CCNY: variants seen among roughly 807,000 people sequenced by gnomAD.
CCNY encodes cyclin-Y.
CCNY carries 19 observed loss-of-function variants against 42.8 expected under a neutral mutation model. The ratio of observed to expected loss-of-function variants is 0.44; its 90% CI spans 0.31 to 0.65. CCNY has a LOEUF of 0.65. CCNY is among the 30% of genes least tolerant of loss of function. CCNY has a pLI of 0.07. For synonymous variants in CCNY, 165 were observed against 162.7 expected (o/e 1.01, Z -0.11); for missense variants, 370 against 437.3 (o/e 0.85, Z 1.37).
intron 1 of CCNY, among the ~76,000 whole-genome samples, chr10:35,367,085 T>TG (rs1449928546): frequency 6.6e-6 from 1 of 152,244 alleles, no homozygotes; most frequent in Non-Finnish European, 1.5e-5. Context: ...GTTACCATGC[T>TG]GATTCCTTGC....
intron 7 of CCNY, among the ~76,000 whole-genome samples, chr10:35,542,345 A>T (rs1410804922): frequency 6.6e-6 from 1 of 151,956 alleles, no homozygotes; most frequent in Non-Finnish European, 1.5e-5. Context: ...CATCACATCA[A>T]AGGTACATTT....
At chr10:35,287,808 A>C (rs920973209) in intron 3 of CCNY, among the ~76,000 whole-genome samples, 1 of 152,204 alleles carries the variant, frequency 6.6e-6, no homozygotes, top group Non-Finnish European at 1.5e-5. Context: ...ACATTCATGT[A>C]AAAGATACAG....
chr10:35,519,432 A>G (rs1187962735), intron 4 of CCNY, among the ~76,000 whole-genome samples: 1 of 152,160 alleles, frequency 6.6e-6, no homozygotes, highest in Non-Finnish European at 1.5e-5. Flanking sequence ...GGGTGTCTGG[A>G]TTTTTAACAG....
intron 3 of CCNY, among the ~76,000 whole-genome samples, chr10:35,275,220 T>C (rs995010832): frequency 6.6e-6 from 1 of 151,788 alleles, no homozygotes; most frequent in African/African-American, 2.4e-5. Flanking sequence ...CCCGCCATCA[T>C]GCTCGGCTAA....
At position 35,294,636 on chromosome 10, in the gene CCNY, T is replaced by C. The variant is rs142964666; in HGVS notation, c.-9+44010T>C. ...CACTTGGCCATGAGGCATAAATCTT[T>C]TTATATGTGGCTGGTTTCACTTTTC... is the stretch of plus-strand genomic sequence containing the variant. On this transcript the variant is annotated intron_variant, in intron 3 of 11. Transcript: ENST00000374706. 1.3e-3 allele frequency among the ~76,000 whole-genome samples: 204 copies of C among 152,326 alleles called. 1 individual carries two copies. The highest frequency in any genetic ancestry group is 4.5e-3 in the African/African-American group (185 of 41,572).
At chr10:35,385,850 T>C (rs1002882285) in intron 1 of CCNY, among the ~76,000 whole-genome samples, 34 of 152,212 alleles carry the variant, frequency 2.2e-4, no homozygotes, top group African/African-American at 8.2e-4. Context: ...AGCCTTTTGC[T>C]CAGCCTCTTG....
At chr10:35,301,055 G>A (rs188655192) in intron 3 of CCNY, among the ~76,000 whole-genome samples, 3 of 152,154 alleles carry the variant, frequency 2.0e-5, no homozygotes, top group Non-Finnish European at 2.9e-5. Flanking sequence ...TGATCCGCCC[G>A]CTTCGGCCTC....
At chr10:35,397,927 T>A (rs758387767) in intron 1 of CCNY, among the ~76,000 whole-genome samples, 4 of 152,138 alleles carry the variant, frequency 2.6e-5, no homozygotes, top group Non-Finnish European at 4.4e-5. Flanking sequence ...TGGTGCAATA[T>A]AGGCAGGACT....
chr10:35,417,907 T>C (rs1191616316), intron 1 of CCNY, among the ~76,000 whole-genome samples: 1 of 152,210 alleles, frequency 6.6e-6, no homozygotes, highest in Non-Finnish European at 1.5e-5. Flanking sequence ...TCTCTTTTTT[T>C]CATCAGCTGT....
intron 3 of CCNY, among the ~76,000 whole-genome samples, chr10:35,284,278 C>G (rs1835330158): frequency 6.6e-6 from 1 of 151,952 alleles, no homozygotes; most frequent in African/African-American, 2.4e-5. Context: ...GTTATGCTGC[C>G]CAGGTTTGCA....
At chr10:35,365,952 T>C (rs1255430539) in intron 1 of CCNY, among the ~76,000 whole-genome samples, 1 of 152,244 alleles carries the variant, frequency 6.6e-6, no homozygotes, top group Non-Finnish European at 1.5e-5. Flanking sequence ...TGGACAGAGA[T>C]TCTCTTCTAT....
intron 5 of CCNY, among the ~76,000 whole-genome samples, chr10:35,528,049 C>T (rs1840688067): frequency 6.6e-6 from 1 of 152,140 alleles, no homozygotes; most frequent in Non-Finnish European, 1.5e-5. Flanking sequence ...GCGAATGTTT[C>T]TCTAGGGTGC....
intron 4 of CCNY, among the ~76,000 whole-genome samples, chr10:35,519,027 C>A (rs1244326607): frequency 1.5e-5 from 2 of 134,280 alleles, no homozygotes; most frequent in South Asian, 2.5e-4. Flanking sequence ...TTTGTAACAG[C>A]TCTTGATTGA....
intron 1 of CCNY, among the ~76,000 whole-genome samples, chr10:35,465,523 C>T (rs1839240925): frequency 6.6e-6 from 1 of 152,154 alleles, no homozygotes; most frequent in African/African-American, 2.4e-5. Context: ...AGTGGTTTGT[C>T]CCTCTGTCCT....
At position 35,569,306 on chromosome 10, in the gene CCNY, A is replaced by T; in HGVS notation, c.*136A>T. ...CGCATAGCTCCGTCAAGCTGCCTGG[A>T]TGAGCGCCCATGCAGCAAGGCTTGG... is the stretch of plus-strand genomic sequence containing the variant. On this transcript the variant is annotated 3_prime_UTR_variant, in exon 10 of 10. Coordinates refer to ENST00000374704, the MANE Select transcript of CCNY (RefSeq NM_145012.6). 1.6e-6 allele frequency: 1 copy of T among 639,958 alleles called. No individual in the cohort carries two copies. Among genetic ancestry groups the T allele is most frequent in the Non-Finnish European group, 2.8e-6 (1 of 357,104 alleles). The allele number at this position is 639,958 out of a possible 1,614,324, so 39.6% of individuals were successfully genotyped here.
chr10:35,390,097 TTA>T (rs772568864), intron 1 of CCNY, among the ~76,000 whole-genome samples: 102 of 152,228 alleles, frequency 6.7e-4, no homozygotes, highest in Admixed American at 6.5e-4. Context: ...AACTATCAGA[TTA>T]TGTTTGTACA....
At chr10:35,557,395 ATAATGTTC>A (rs1325788674) in intron 8 of CCNY, among the ~76,000 whole-genome samples, 5 of 152,198 alleles carry the variant, frequency 3.3e-5, no homozygotes, top group Admixed American at 1.3e-4. Context: ...TTTCTGGATG[ATAATGTTC>A]TAATTTATTA....
At chr10:35,487,855 A>G (rs1029127127) in intron 2 of CCNY, among the ~76,000 whole-genome samples, 6 of 152,198 alleles carry the variant, frequency 3.9e-5, no homozygotes, top group African/African-American at 1.4e-4. Flanking sequence ...GCCAGGCCAG[A>G]GAGAAGTTAG....
chr10:35,341,883 T>G (rs1452611769), intron 1 of CCNY, among the ~76,000 whole-genome samples: 2 of 152,204 alleles, frequency 1.3e-5, no homozygotes, highest in Non-Finnish European at 2.9e-5. Flanking sequence ...GTATGTTTAG[T>G]CTTTTTTCCT....
Sources: allele counts gnomAD v4.1 joint callset (sites outside exome capture counted in the v4.1 genomes callset), GRCh38; gene constraint gnomAD v4.1.1; transcripts MANE v1.5; gene names NCBI Gene and HGNC (gene_info 2026-07-23, HGNC 2026-07-21).